The following COL5A2 variants were observed in gnomAD, a reference collection of about 807,000 sequenced individuals.
COL5A2 encodes collagen type V alpha 2 chain, also known as collagen alpha-2(V) chain.
Under a neutral mutation model 208.2 loss-of-function variants are expected in COL5A2, and 23 were observed. The ratio of observed to expected loss-of-function variants is 0.11; its 90% CI spans 0.08 to 0.16. The LOEUF is 0.16. Ranked by LOEUF, COL5A2 falls within the 10% of genes least tolerant of loss-of-function variation. The pLI is 1.00. For missense variants in COL5A2, 1,590 were observed against 1,956.4 expected (o/e 0.81, Z 3.53); for synonymous variants, 625 against 628.5 (o/e 0.99, Z 0.08).
chr2:189,275,999 T>C, the COL5A2 span, among the ~76,000 whole-genome samples: 1 of 152,224 alleles, frequency 6.6e-6, no homozygotes, highest in Non-Finnish European at 1.5e-5. Flanking sequence ...CCCAACATCA[T>C]GTAGCAATTG....
chr2:189,231,686 C>T, the COL5A2 span, among the ~76,000 whole-genome samples: 2 of 151,634 alleles, frequency 1.3e-5, no homozygotes, highest in Admixed American at 6.6e-5. Flanking sequence ...AGAGATGATA[C>T]AGATAAAATA....
At chr2:189,376,667 A>G in the COL5A2 span, among the ~76,000 whole-genome samples, 1 of 152,180 alleles carries the variant, frequency 6.6e-6, no homozygotes, top group Non-Finnish European at 1.5e-5. Flanking sequence ...TTGAATTTAT[A>G]TTATCTATGC....
chr2:189,344,267 G>A, the COL5A2 span, among the ~76,000 whole-genome samples: 1 of 152,156 alleles, frequency 6.6e-6, no homozygotes. Flanking sequence ...CAGAATGTTG[G>A]ACGAAACAGT....
the COL5A2 span, among the ~76,000 whole-genome samples, chr2:189,237,038 G>A: frequency 6.6e-6 from 1 of 151,600 alleles, no homozygotes; most frequent in Non-Finnish European, 1.5e-5. Context: ...CTGTTGTAAG[G>A]TCTTTCTTTT....
At chr2:189,105,660 A>T (rs1311284931) in intron 2 of COL5A2, among the ~76,000 whole-genome samples, 1 of 151,428 alleles carries the variant, frequency 6.6e-6, no homozygotes, top group Non-Finnish European at 1.5e-5. Context: ...TGTGTCACAC[A>T]AATGTTTATT....
the COL5A2 span, among the ~76,000 whole-genome samples, chr2:189,435,016 ACAC>A: frequency 6.6e-6 from 1 of 152,208 alleles, no homozygotes; most frequent in Non-Finnish European, 1.5e-5. Flanking sequence ...CTCAGAAATA[ACAC>A]CACATGTCTA....
chr2:189,311,467 T>C, the COL5A2 span: 2 of 1,071,648 alleles, frequency 1.9e-6, no homozygotes, highest in Non-Finnish European at 2.8e-6. Context: ...GGGCCTCCTA[T>C]TCCTGGGCTT....
At chr2:189,285,844 T>C in the COL5A2 span, among the ~76,000 whole-genome samples, 1 of 152,196 alleles carries the variant, frequency 6.6e-6, no homozygotes, top group Non-Finnish European at 1.5e-5. Flanking sequence ...TTATTAATTA[T>C]AACCATGAAG....
chr2:189,215,079 T>C (rs972418327), intron 1 of COL5A2, among the ~76,000 whole-genome samples: 1 of 152,200 alleles, frequency 6.6e-6, no homozygotes, highest in African/African-American at 2.4e-5. Flanking sequence ...ATAGCAGATC[T>C]AGCATCTGAA....
the COL5A2 span, among the ~76,000 whole-genome samples, chr2:189,294,074 C>T: frequency 2.9e-5 from 4 of 138,834 alleles, no homozygotes; most frequent in Non-Finnish European, 4.5e-5. Flanking sequence ...GGCGACAGAG[C>T]GAGACTCCGT....
rs557836282 is a variant in COL5A2, at chr2:189,036,421, T to C, written c.4113+195A>G. On this transcript the variant is annotated intron_variant, in intron 52 of 53. Transcript: ENST00000374866. ...GAGAAAATTTTTAATTCAAAATTTATGTTAACTTCACTCATAGCAAAACCT... is the reference window on the plus strand; with the variant it reads ...GAGAAAATTTTTAATTCAAAATTTACGTTAACTTCACTCATAGCAAAACCT... Among the ~76,000 whole-genome samples the C allele has an allele frequency of 3.9e-5, 6 of 152,274 alleles. No homozygotes were observed. In the South Asian group the frequency reaches 1.0e-3, roughly 26 times the overall value.
At chr2:189,180,236 T>C (rs1322807040), upstream of COL5A2, among the ~76,000 whole-genome samples, 1 of 152,204 alleles carries the variant, frequency 6.6e-6, no homozygotes, top group African/African-American at 2.4e-5. Flanking sequence ...ATAGGGAGTA[T>C]TCTTATCCCC....
At chr2:189,412,850 G>A in the COL5A2 span, among the ~76,000 whole-genome samples, 2 of 152,122 alleles carry the variant, frequency 1.3e-5, no homozygotes, top group African/African-American at 2.4e-5. Context: ...GGACTAATAC[G>A]CAGCGACTCA....
At chr2:189,064,751 T>C in intron 24 of COL5A2, 96 bp from the exon 25 acceptor site, 1 of 954,346 alleles carries the variant, frequency 1.0e-6, no homozygotes, top group Non-Finnish European at 1.7e-6. Context: ...AAGGCACTAA[T>C]ATAACATACA....
the COL5A2 span, among the ~76,000 whole-genome samples, chr2:189,258,588 A>G: frequency 1.3e-5 from 2 of 152,184 alleles, no homozygotes; most frequent in African/African-American, 4.8e-5. Context: ...AAAATGCACT[A>G]TGCAGTTTCA....
chr2:189,051,392 C>T lies in COL5A2; in HGVS notation c.2859G>A (p.Val953=), dbSNP rs1685784025. 1 of 1,614,074 alleles carries T rather than the reference C, an allele frequency of 6.2e-7. No homozygotes were observed. The highest frequency in any genetic ancestry group is 8.5e-7 in the Non-Finnish European group (1 of 1,179,972). The change falls in exon 42 of 54, where the codon GTG becomes GTA. Residue 953 remains valine (V), a synonymous_variant. Transcript: ENST00000374866. The part of the protein sequence containing the change: ...LRGDPGSHGR[V]GDRGPAGPPG... ...GGGGGCCAGCTGGTCCTCGATCTCCCACACGCCCATGAGAGCCAGGGTCCC... is the reference window on the plus strand; with the variant it reads ...GGGGGCCAGCTGGTCCTCGATCTCCTACACGCCCATGAGAGCCAGGGTCCC...
upstream of COL5A2, chr2:189,179,905 G>GAA (rs2105832267): frequency 1.8e-6 from 1 of 557,434 alleles, no homozygotes; most frequent in East Asian, 2.8e-5. Flanking sequence ...AACCAAATCA[G>GAA]AACACGCGTC....
chr2:189,263,128 A>G, the COL5A2 span, among the ~76,000 whole-genome samples: 1 of 152,106 alleles, frequency 6.6e-6, no homozygotes, highest in Non-Finnish European at 1.5e-5. Context: ...CCAGGAAATA[A>G]AGCATCTCCA....
the COL5A2 span, among the ~76,000 whole-genome samples, chr2:189,390,367 C>A: frequency 3.9e-5 from 6 of 152,308 alleles, no homozygotes; most frequent in African/African-American, 1.4e-4. Context: ...TCTAATAAAT[C>A]TGTCAAGATG....
Sources: allele counts gnomAD v4.1 joint callset (sites outside exome capture counted in the v4.1 genomes callset), GRCh38; gene constraint gnomAD v4.1.1; transcripts MANE v1.5; gene names NCBI Gene and HGNC (gene_info 2026-07-23, HGNC 2026-07-21).